XYLT1: variants seen among roughly 807,000 people sequenced by gnomAD.
The protein encoded by XYLT1 is beta-D-xylosyltransferase 1.
A neutral mutation model predicts 91.3 loss-of-function variants in XYLT1; 36 were observed. The ratio of observed to expected loss-of-function variants is 0.39; its 90% CI spans 0.30 to 0.52. XYLT1 has a LOEUF of 0.52. Among genes scored for constraint, XYLT1 ranks in the 20% least tolerant of loss-of-function variants. The probability of loss-of-function intolerance (pLI) is 0.68; values close to 1 mark genes in which losing one functional copy is unlikely to be tolerated. For missense variants in XYLT1, 1,242 were observed against 1,284.5 expected (o/e 0.97, Z 0.51); for synonymous variants, 588 against 532.0 (o/e 1.11, Z -1.45).
At chr16:17,342,759 T>C (rs958085854) in intron 2 of XYLT1, among the ~76,000 whole-genome samples, 3 of 152,122 alleles carry the variant, frequency 2.0e-5, no homozygotes, top group African/African-American at 4.8e-5. Flanking sequence ...ACTACCTGTA[T>C]AGAATGTGTG....
intron 1 of XYLT1, chr16:17,403,518 A>G (rs1428178331): frequency 1.3e-5 from 2 of 152,254 alleles, no homozygotes; most frequent in Non-Finnish European, 2.9e-5. Context: ...GCAACAAACA[A>G]GAGAGAATGA....
At chr16:17,153,798 A>G (rs78287006) in intron 6 of XYLT1, among the ~76,000 whole-genome samples, 2,217 of 152,298 alleles carry the variant, frequency 0.015, 48 homozygotes, top group African/African-American at 0.049. Flanking sequence ...TGCTGACCCT[A>G]GGAAGTAGGG....
At chr16:17,356,285 A>G (rs2035294028) in intron 2 of XYLT1, among the ~76,000 whole-genome samples, 1 of 152,174 alleles carries the variant, frequency 6.6e-6, no homozygotes, top group African/African-American at 2.4e-5. Flanking sequence ...GAATAGATGA[A>G]ATTTACATAA....
At chr16:17,198,150 A>G in intron 5 of XYLT1, 62 bp downstream of exon 5, 1 of 1,581,926 alleles carries the variant, frequency 6.3e-7, no homozygotes, top group South Asian at 1.1e-5. Flanking sequence ...GTGAGTTCCC[A>G]GCCATGACCA....
At chr16:17,240,694 T>C (rs2033332355) in intron 3 of XYLT1, among the ~76,000 whole-genome samples, 1 of 152,214 alleles carries the variant, frequency 6.6e-6, no homozygotes, top group African/African-American at 2.4e-5. Flanking sequence ...AAGGAAATAA[T>C]GCTTTCTTTA....
At chr16:17,303,641 TTTC>T (rs2034430009) in intron 2 of XYLT1, among the ~76,000 whole-genome samples, 1 of 152,180 alleles carries the variant, frequency 6.6e-6, no homozygotes, top group Admixed American at 6.5e-5. Context: ...CCTTTTACAT[TTTC>T]ATTACTAATG....
intron 1 of XYLT1, among the ~76,000 whole-genome samples, chr16:17,405,364 G>A (rs2036019654): frequency 6.6e-6 from 1 of 152,192 alleles, no homozygotes; most frequent in Admixed American, 6.5e-5. Flanking sequence ...GCCTTGAAAA[G>A]TCACTTTATA....
At chr16:17,171,586 A>G (rs1450506118) in intron 5 of XYLT1, among the ~76,000 whole-genome samples, 1 of 152,240 alleles carries the variant, frequency 6.6e-6, no homozygotes, top group African/African-American at 2.4e-5. Context: ...AAGGATTTTT[A>G]AACGGATTTT....
At chr16:17,440,234 G>T (rs1447619254) in intron 1 of XYLT1, among the ~76,000 whole-genome samples, 3 of 152,224 alleles carry the variant, frequency 2.0e-5, no homozygotes, top group Admixed American at 2.0e-4. Context: ...TGAGACCAAA[G>T]ATCTGGCCGT....
At chr16:17,261,883 T>G (rs1397684720) in intron 2 of XYLT1, among the ~76,000 whole-genome samples, 1 of 152,210 alleles carries the variant, frequency 6.6e-6, no homozygotes, top group Non-Finnish European at 1.5e-5. Context: ...GACCTATAAA[T>G]GAGGGCCTTC....
At chr16:17,313,140 C>G (rs899078990) in intron 2 of XYLT1, among the ~76,000 whole-genome samples, 1 of 152,182 alleles carries the variant, frequency 6.6e-6, no homozygotes, top group Admixed American at 6.5e-5. Context: ...GTGATGTTCT[C>G]GGGACTGGCC....
chr16:17,198,484 T>G, intron 4 of XYLT1, 70 bp from the exon 5 acceptor site: 1 of 1,464,904 alleles, frequency 6.8e-7, no homozygotes, highest in Non-Finnish European at 9.3e-7. Context: ...CCCTCACCCC[T>G]GTCCCCTCTC....
chr16:17,275,481 A>C (rs1279723275), intron 2 of XYLT1, among the ~76,000 whole-genome samples: 1 of 152,112 alleles, frequency 6.6e-6, no homozygotes, highest in African/African-American at 2.4e-5. Flanking sequence ...TGGGGAAGGG[A>C]GGAGTCCAGA....
At chr16:17,310,023 T>C (rs997355686) in intron 2 of XYLT1, among the ~76,000 whole-genome samples, 2 of 152,182 alleles carry the variant, frequency 1.3e-5, no homozygotes, top group African/African-American at 4.8e-5. Flanking sequence ...ACATCATCCC[T>C]GTAAAGATGG....
rs764663105 is a variant in XYLT1 at position 17,399,586 on chromosome 16, G to A, written c.364-41536C>T. ...GCATCATGCCCCGGTTGCACAGTCC[G>A]AAGGACCTATATTGGAAAAATAATG... On this transcript the variant is annotated intron_variant, in intron 1 of 11. Transcript: ENST00000261381. Among the ~76,000 whole-genome samples, 67 of 152,336 alleles carry A rather than the reference G, an allele frequency of 4.4e-4. 2 individuals are homozygous for A. Among genetic ancestry groups the A allele is most frequent in the Non-Finnish European group, 2.9e-4 (20 of 68,036 alleles).
intron 1 of XYLT1, among the ~76,000 whole-genome samples, chr16:17,422,473 A>AC (rs1183139074): frequency 3.3e-5 from 5 of 152,094 alleles, no homozygotes; most frequent in African/African-American, 1.2e-4. Flanking sequence ...TGCTAGGATT[A>AC]CAGGTATGCA....
intron 7 of XYLT1, among the ~76,000 whole-genome samples, chr16:17,139,873 C>G (rs1231332701): frequency 2.0e-5 from 3 of 152,220 alleles, no homozygotes; most frequent in African/African-American, 4.8e-5. Flanking sequence ...CATCATCCCT[C>G]TGGGTGATGG....
chr16:17,201,375 A>G (rs906329136), intron 3 of XYLT1, among the ~76,000 whole-genome samples: 7 of 152,220 alleles, frequency 4.6e-5, no homozygotes, highest in Non-Finnish European at 8.8e-5. Context: ...CTCCATAGCC[A>G]CAGTATTGTT....
chr16:17,169,363 G>A (rs1207527640), intron 5 of XYLT1, among the ~76,000 whole-genome samples: 1 of 152,222 alleles, frequency 6.6e-6, no homozygotes, highest in Non-Finnish European at 1.5e-5. Context: ...TGACAAAAAT[G>A]ATGTGGCATT....
Sources: allele counts gnomAD v4.1 joint callset (sites outside exome capture counted in the v4.1 genomes callset), GRCh38; gene constraint gnomAD v4.1.1; transcripts MANE v1.5; gene names NCBI Gene and HGNC (gene_info 2026-07-23, HGNC 2026-07-21).